CCDC178: variants seen among roughly 807,000 people sequenced by gnomAD.
CCDC178 encodes coiled-coil domain containing 178.
A neutral mutation model predicts 117.4 loss-of-function variants in CCDC178; 126 were observed. The observed-to-expected ratio is 1.07, with a 90% CI of 0.93 to 1.24. The LOEUF (loss-of-function observed/expected upper bound fraction) is 1.24, where lower values mean the gene tolerates loss of function less well. Among genes scored for constraint, CCDC178 ranks in the 50% most tolerant of loss-of-function variants. CCDC178 has a pLI of 0.00. For synonymous variants in CCDC178, 283 were observed against 313.4 expected (o/e 0.90, Z 1.02); for missense variants, 1,030 against 986.9 (o/e 1.04, Z -0.59).
chr18:33,241,563 A>G (rs1180914660), intron 15 of CCDC178, among the ~76,000 whole-genome samples: 1 of 151,686 alleles, frequency 6.6e-6, no homozygotes, highest in Non-Finnish European at 1.5e-5. Context: ...GCATTTTTAT[A>G]CATGAACAAT....
chr18:33,188,146 T>A (rs1190193338), intron 20 of CCDC178, among the ~76,000 whole-genome samples: 2 of 149,682 alleles, frequency 1.3e-5, no homozygotes, highest in Non-Finnish European at 3.0e-5. Context: ...GCAAAGACAA[T>A]GTGATAAAAT....
chr18:32,958,247 A>G (rs1402305759), intron 22 of CCDC178: 5 of 529,292 alleles, frequency 9.4e-6, no homozygotes, highest in Non-Finnish European at 1.7e-5. Context: ...ATAGTTAGTG[A>G]TTATACTAAA....
intron 20 of CCDC178, among the ~76,000 whole-genome samples, chr18:33,122,495 T>C (rs1251996179): frequency 2.0e-5 from 3 of 152,142 alleles, no homozygotes; most frequent in Non-Finnish European, 2.9e-5. Flanking sequence ...TTATTAAAAT[T>C]AGATAATCTA....
At chr18:33,424,727 G>A (rs7228594) in intron 2 of CCDC178, among the ~76,000 whole-genome samples, 96,070 of 152,008 alleles carry the variant, frequency 0.63, 30,981 homozygotes, top group South Asian at 0.8. Context: ...TGCAGGCATG[G>A]GGGTGGCAGG....
intron 21 of CCDC178, among the ~76,000 whole-genome samples, chr18:33,076,968 G>A (rs1330865222): frequency 6.6e-6 from 1 of 152,098 alleles, no homozygotes; most frequent in African/African-American, 2.4e-5. Context: ...TCTTCTAGTG[G>A]GAGAGGTACT....
intron 21 of CCDC178, among the ~76,000 whole-genome samples, chr18:33,018,920 T>A (rs1032747032): frequency 9.9e-5 from 15 of 152,108 alleles, no homozygotes; most frequent in Admixed American, 3.3e-4. Context: ...TTACAAAAAT[T>A]CCCTGTTTGC....
intron 12 of CCDC178, among the ~76,000 whole-genome samples, chr18:33,272,936 T>C (rs1599085116): frequency 6.6e-6 from 1 of 151,550 alleles, no homozygotes; most frequent in East Asian, 1.9e-4. Context: ...AACATCATAC[T>C]TGATGAAAAG....
chr18:33,020,832 A>G (rs1363385939), intron 21 of CCDC178, among the ~76,000 whole-genome samples: 1 of 152,038 alleles, frequency 6.6e-6, no homozygotes, highest in African/African-American at 2.4e-5. Context: ...TTTAGGTTGT[A>G]TTTACTGACT....
intron 21 of CCDC178, among the ~76,000 whole-genome samples, chr18:33,091,077 T>A (rs2057454233): frequency 6.6e-6 from 1 of 152,142 alleles, no homozygotes; most frequent in Non-Finnish European, 1.5e-5. Context: ...ATAATTTATT[T>A]TTGCTCCCCC....
At chr18:33,425,593 G>T (rs1281853355) in intron 2 of CCDC178, among the ~76,000 whole-genome samples, 1 of 152,168 alleles carries the variant, frequency 6.6e-6, no homozygotes. Context: ...ATCTCTAGAG[G>T]ATTTTAATTA....
chr18:33,095,260 T>A (rs2057525823), intron 20 of CCDC178, among the ~76,000 whole-genome samples: 1 of 151,974 alleles, frequency 6.6e-6, no homozygotes. Flanking sequence ...TTAATACTTA[T>A]TAAGATGGTA....
intron 21 of CCDC178, among the ~76,000 whole-genome samples, chr18:33,078,602 T>C (rs554367119): frequency 4.0e-4 from 61 of 152,228 alleles, no homozygotes; most frequent in Middle Eastern, 3.4e-3. Context: ...TAAAAATAAA[T>C]GTACAAAAAT....
chr18:33,222,296 C>T (rs937508020), intron 18 of CCDC178, among the ~76,000 whole-genome samples: 11 of 149,042 alleles, frequency 7.4e-5, no homozygotes, highest in Non-Finnish European at 1.5e-4. Context: ...TCCTTCCTTC[C>T]TTTCCTTCCT....
intron 6 of CCDC178, among the ~76,000 whole-genome samples, chr18:33,364,555 A>G (rs575410009): frequency 2.8e-4 from 43 of 152,138 alleles, no homozygotes; most frequent in African/African-American, 9.9e-4. Context: ...GAGATTTTTT[A>G]AAGACAGAAT....
chr18:33,369,947 TATC>T, intron 6 of CCDC178, 100 bp downstream of exon 6: 1 of 946,284 alleles, frequency 1.1e-6, no homozygotes, highest in South Asian at 2.2e-5. Context: ...GCATTCCAAT[TATC>T]ATTTAAAAAG....
intron 20 of CCDC178, among the ~76,000 whole-genome samples, chr18:33,161,736 C>T (rs975355257): frequency 6.6e-6 from 1 of 152,104 alleles, no homozygotes; most frequent in African/African-American, 2.4e-5. Flanking sequence ...TGTCCCTACA[C>T]AGGACATGAA....
rs35712594 is a variant in CCDC178 at position 33,156,641 on chromosome 18, CAAA to C, written c.2238+55252_2238+55254del. ...ATTTTTGCTTCCTAATCCTCCCTCT[CAAA>C]AAAAAAAAAAAAAAAAAGAGAAAAT... On this transcript the variant is annotated intron_variant, in intron 20 of 22. Transcript: ENST00000383096. Among the ~76,000 whole-genome samples, 62 of 99,240 alleles carry C rather than the reference CAAA, an allele frequency of 6.2e-4. 1 individual carries two copies. The highest frequency in any genetic ancestry group is 4.6e-3 in the Admixed American group (39 of 8,452). 65.1% of individuals were successfully genotyped at this position (99,240 alleles called of 152,430 possible).
intron 11 of CCDC178, among the ~76,000 whole-genome samples, chr18:33,322,251 C>T: frequency 6.6e-6 from 1 of 151,860 alleles, no homozygotes. Context: ...GCTTCTCAAA[C>T]ATCACCTCGG....
chr18:33,352,506 G>A (rs532780355), intron 7 of CCDC178, among the ~76,000 whole-genome samples: 1 of 152,132 alleles, frequency 6.6e-6, no homozygotes, highest in African/African-American at 2.4e-5. Context: ...TATAAAGTTA[G>A]GTTACTGGAT....
Sources: allele counts gnomAD v4.1 joint callset (sites outside exome capture counted in the v4.1 genomes callset), GRCh38; gene constraint gnomAD v4.1.1; transcripts MANE v1.5; gene names NCBI Gene and HGNC (gene_info 2026-07-23, HGNC 2026-07-21).